The following CNIH4 variants were observed in gnomAD, a reference collection of about 807,000 sequenced individuals.
The protein encoded by CNIH4 is cornichon family member 4, also known as protein cornichon homolog 4.
Under a neutral mutation model 21.5 loss-of-function variants are expected in CNIH4, and 9 were observed. The ratio of observed to expected loss-of-function variants is 0.42; its 90% CI spans 0.25 to 0.73. The LOEUF (loss-of-function observed/expected upper bound fraction) is 0.73, where lower values mean the gene tolerates loss of function less well. Among genes scored for constraint, CNIH4 ranks in the 30% least tolerant of loss-of-function variants. CNIH4 has a pLI of 0.27. For synonymous variants in CNIH4, 67 were observed against 59.1 expected (o/e 1.13, Z -0.61); for missense variants, 159 against 170.0 (o/e 0.94, Z 0.36).
At chr1:224,366,579 C>T (rs58649883) in intron 3 of CNIH4, among the ~76,000 whole-genome samples, 11,825 of 151,866 alleles carry the variant, frequency 0.078, 1,436 homozygotes, top group African/African-American at 0.26. Context: ...AAACTCCTGA[C>T]CTCAAGTGAT....
intron 2 of CNIH4, among the ~76,000 whole-genome samples, chr1:224,361,114 ATTT>A (rs34687621): frequency 4.7e-5 from 6 of 128,926 alleles, no homozygotes; most frequent in Admixed American, 1.6e-4. Context: ...TGCCTGGCTA[ATTT>A]TTTTTTTTTT....
At chr1:224,360,473 A>G in intron 1 of CNIH4, 22 bp from the exon 2 acceptor site, 1 of 1,202,138 alleles carries the variant, frequency 8.3e-7, no homozygotes, top group African/African-American at 1.6e-5. Context: ...GAAATATAAT[A>G]ATTCCTTATC....
chr1:224,373,596 G>A (rs12731903), intron 4 of CNIH4, among the ~76,000 whole-genome samples: 1 of 151,750 alleles, frequency 6.6e-6, no homozygotes, highest in Non-Finnish European at 1.5e-5. Flanking sequence ...TTGGGAGGCC[G>A]AGGTGGGTGG....
chr1:224,379,359 C>T lies in CNIH4; in HGVS notation c.*3537C>T. On this transcript the variant is annotated 3_prime_UTR_variant, in exon 5 of 5. Transcript: ENST00000465271. ...GTATGTTCCTGGAGGGCAGAATATG[C>T]CCATTCATATTTGTATCTTCTTCCT... is the stretch of plus-strand genomic sequence containing the variant. The T allele has an allele frequency of 2.1e-6, 1 of 478,510 alleles. No homozygotes were observed. Among genetic ancestry groups the T allele is most frequent in the Non-Finnish European group, 3.8e-6 (1 of 261,888 alleles). 29.6% of individuals were successfully genotyped at this position (478,510 alleles called of 1,614,324 possible).
rs1394925801 is a variant in CNIH4, at chr1:224,356,895, C to T, written c.-30C>T. ...GGTCGGGGCATCCGAGCGGGTTTGA[C>T]GGAAGGAGCGGCGGCGACGGAGGAG... is the stretch of plus-strand genomic sequence containing the variant. On this transcript the variant is annotated 5_prime_UTR_variant, in exon 1 of 5. The change creates a new upstream start codon in the 5' untranslated region. Transcript: ENST00000465271. 3.8e-6 allele frequency: 6 copies of T among 1,581,650 alleles called. No individual in the cohort carries two copies. The highest frequency in any genetic ancestry group is 2.7e-5 in the African/African-American group (2 of 74,400).
intron 1 of CNIH4, 111 bp downstream of exon 1, chr1:224,357,104 T>A: frequency 8.1e-7 from 1 of 1,232,898 alleles, no homozygotes; most frequent in Non-Finnish European, 1.2e-6. Flanking sequence ...GCGGCGGGCG[T>A]GGGCTCCCTG....
intron 1 of CNIH4, among the ~76,000 whole-genome samples, chr1:224,360,278 G>C (rs1558394532): frequency 6.6e-6 from 1 of 151,690 alleles, no homozygotes; most frequent in Non-Finnish European, 1.5e-5. Flanking sequence ...TTCTGGTTGG[G>C]TCAGATTAGA....
chr1:224,361,702 C>T (rs1672293296), intron 2 of CNIH4, among the ~76,000 whole-genome samples: 1 of 152,076 alleles, frequency 6.6e-6, no homozygotes, highest in Non-Finnish European at 1.5e-5. Context: ...TCCACCTCAG[C>T]CTCCCATGTA....
intron 1 of CNIH4, chr1:224,357,321 C>A (rs1672145739): frequency 3.8e-6 from 1 of 259,822 alleles, no homozygotes; most frequent in Non-Finnish European, 7.2e-6. Context: ...GCGCCCGGAC[C>A]AGCCCTGCCT....
chr1:224,372,651 C>T (rs563319755), intron 4 of CNIH4, among the ~76,000 whole-genome samples: 530 of 151,996 alleles, frequency 3.5e-3, no homozygotes, highest in Non-Finnish European at 6.1e-3. Context: ...GGCACAGTCT[C>T]GGCTCACTGC....
chr1:224,370,148 G>A (rs1302214319), intron 3 of CNIH4, among the ~76,000 whole-genome samples: 1 of 152,120 alleles, frequency 6.6e-6, no homozygotes, highest in Non-Finnish European at 1.5e-5. Context: ...ACAAGGGTTT[G>A]ATGGACTGGC....
At chr1:224,365,094 G>A (rs1672412892) in intron 2 of CNIH4, among the ~76,000 whole-genome samples, 2 of 152,176 alleles carry the variant, frequency 1.3e-5, no homozygotes, top group African/African-American at 4.8e-5. Context: ...GTAACCTTAG[G>A]CAATTTACCT....
chr1:224,364,645 G>T (rs968726531), intron 2 of CNIH4, among the ~76,000 whole-genome samples: 1 of 152,102 alleles, frequency 6.6e-6, no homozygotes, highest in African/African-American at 2.4e-5. Context: ...ATTTTAAAAA[G>T]TATAGCCGGC....
chr1:224,371,965 G>A (rs982915088), intron 4 of CNIH4, among the ~76,000 whole-genome samples: 2 of 152,058 alleles, frequency 1.3e-5, no homozygotes, highest in Non-Finnish European at 2.9e-5. Flanking sequence ...TTCCCTAGTA[G>A]TATACAGCTG....
Position 224,365,916 on chromosome 1 carries a change from C to T in CNIH4, c.176C>T (p.Thr59Ile). Residue 59 changes from threonine to isoleucine, a missense_variant, in exon 3 of 5, where the codon ACT becomes ATT. By Grantham distance (89) the Thr-to-Ile change is moderately conservative (BLOSUM62 -1). Coordinates refer to ENST00000465271, the MANE Select transcript of CNIH4 (RefSeq NM_014184.4). ...GAATTGATTGGCCATACCATTGTCA[C>T]TGTATTACTGCTCATGTCATTGCAC... is the stretch of plus-strand genomic sequence containing the variant. ...IPELIGHTIV[T>I]VLLLMSLHWF... 1 of 1,612,932 alleles carries T rather than the reference C, an allele frequency of 6.2e-7. No homozygotes were observed. The highest frequency in any genetic ancestry group is 8.5e-7 in the Non-Finnish European group (1 of 1,178,882).
chr1:224,377,037 GT>G lies in CNIH4; in HGVS notation c.*1217del, dbSNP rs781594718. The G allele has an allele frequency of 1.0e-4, 48 of 482,308 alleles. No individual in the cohort carries two copies. The highest frequency in any genetic ancestry group is 1.2e-4 in the Non-Finnish European group (46 of 370,354). 29.9% of individuals were successfully genotyped at this position (482,308 alleles called of 1,614,324 possible). A position where few individuals can be genotyped will look rare whatever the true frequency, so the allele number is the denominator to read the frequency against. ...GTGTGTGGTACCCAAAAGATTAAAT[GT>G]TACATGTCCTTTTAGTCCTTGACCA... On this transcript the variant is annotated 3_prime_UTR_variant, in exon 5 of 5. Transcript: ENST00000465271.
chr1:224,379,104 G>A lies in CNIH4; in HGVS notation c.*3282G>A, dbSNP rs373829232. Reference sequence around the variant, plus strand: ...TGCCCTTGCTAATCACCGTAACCTCGGCTGAGAAAGAAGAGGAAGCGAAAT... The same window carrying A: ...TGCCCTTGCTAATCACCGTAACCTCAGCTGAGAAAGAAGAGGAAGCGAAAT... On this transcript the variant is annotated 3_prime_UTR_variant, in exon 5 of 5. Transcript: ENST00000465271. 5.8e-6 allele frequency: 9 copies of A among 1,550,414 alleles called. 1 individual carries two copies. Among genetic ancestry groups the A allele is most frequent in the South Asian group, 4.8e-5 (4 of 84,052 alleles).
chr1:224,363,703 C>T (rs1672366918), intron 2 of CNIH4, among the ~76,000 whole-genome samples: 1 of 151,866 alleles, frequency 6.6e-6, no homozygotes, highest in African/African-American at 2.4e-5. Context: ...TTCTTTTTTT[C>T]CCCCCATCTG....
At position 224,360,458 on chromosome 1, in the gene CNIH4, T is replaced by A. The variant is rs746280232; in HGVS notation, c.70-37T>A. The A allele has an allele frequency of 7.3e-5, 79 of 1,075,098 alleles. 1 individual carries two copies. The Middle Eastern group carries it at 2.3e-3, about 31-fold the overall frequency. 66.6% of individuals were successfully genotyped at this position (1,075,098 alleles called of 1,614,324 possible). A position where few individuals can be genotyped will look rare whatever the true frequency, so the allele number is the denominator to read the frequency against. ...CTGAAACTTAAATACTTAGTTATTA[T>A]AAAAGAAATATAATAATTCCTTATC... On this transcript the variant is annotated intron_variant, in intron 1 of 4. Coordinates refer to ENST00000465271, the MANE Select transcript of CNIH4 (RefSeq NM_014184.4).
Sources: allele counts gnomAD v4.1 joint callset (sites outside exome capture counted in the v4.1 genomes callset), GRCh38; gene constraint gnomAD v4.1.1; transcripts MANE v1.5; gene names NCBI Gene and HGNC (gene_info 2026-07-23, HGNC 2026-07-21).